SLC24A3: variants seen among roughly 807,000 people sequenced by gnomAD.
SLC24A3 encodes sodium/potassium/calcium exchanger 3.
SLC24A3 carries 28 observed loss-of-function variants against 75.8 expected under a neutral mutation model. That is an observed-to-expected ratio of 0.37 (90% confidence interval 0.27 to 0.51). SLC24A3 has a LOEUF of 0.51. Ranked by LOEUF, SLC24A3 falls within the 20% of genes least tolerant of loss-of-function variation. SLC24A3 has a pLI of 0.94. For missense variants in SLC24A3, 663 were observed against 847.8 expected (o/e 0.78, Z 2.71); for synonymous variants, 372 against 334.1 (o/e 1.11, Z -1.24).
chr20:19,580,376 T>C (rs2031201853), intron 4 of SLC24A3, among the ~76,000 whole-genome samples: 1 of 152,158 alleles, frequency 6.6e-6, no homozygotes. Context: ...TTTCTTTTCC[T>C]TTTAAACTCA....
At chr20:19,301,790 A>T (rs1483804459) in intron 2 of SLC24A3, among the ~76,000 whole-genome samples, 1 of 152,090 alleles carries the variant, frequency 6.6e-6, no homozygotes, top group African/African-American at 2.4e-5. Context: ...CCAAATGCTT[A>T]TCTCCTCTTC....
chr20:19,449,404 C>T (rs1987443480), intron 2 of SLC24A3, among the ~76,000 whole-genome samples: 1 of 152,224 alleles, frequency 6.6e-6, no homozygotes, highest in Admixed American at 6.5e-5. Flanking sequence ...CACGTGGCGC[C>T]CAAGCTCTGG....
intron 3 of SLC24A3, among the ~76,000 whole-genome samples, chr20:19,554,360 A>C (rs745558991): frequency 1.3e-5 from 2 of 152,096 alleles, no homozygotes; most frequent in South Asian, 2.1e-4. Flanking sequence ...TTTTCATTGC[A>C]TATGTAGCTC....
At chr20:19,548,150 G>A (rs560128784) in intron 3 of SLC24A3, among the ~76,000 whole-genome samples, 8 of 152,300 alleles carry the variant, frequency 5.3e-5, no homozygotes, top group East Asian at 1.9e-4. Context: ...GATGTTCCGC[G>A]CTTCTCGGCT....
At chr20:19,454,161 C>T (rs1465083899) in intron 2 of SLC24A3, among the ~76,000 whole-genome samples, 1 of 152,062 alleles carries the variant, frequency 6.6e-6, no homozygotes, top group African/African-American at 2.4e-5. Context: ...TATTTATGGC[C>T]CATGGTGTGG....
chr20:19,249,057 T>TTGAGGATA (rs2122176746), intron 1 of SLC24A3, among the ~76,000 whole-genome samples: 1 of 151,988 alleles, frequency 6.6e-6, no homozygotes, highest in East Asian at 1.9e-4. Flanking sequence ...ATGATAAGTA[T>TTGAGGATA]TTGAGATAAC....
chr20:19,699,625 A>G (rs1436630214), intron 15 of SLC24A3, among the ~76,000 whole-genome samples: 5 of 152,242 alleles, frequency 3.3e-5, no homozygotes, highest in African/African-American at 7.2e-5. Flanking sequence ...GTACTCACAG[A>G]TTACATTCAT....
intron 2 of SLC24A3, among the ~76,000 whole-genome samples, chr20:19,377,970 A>G (rs528467884): frequency 2.0e-4 from 31 of 152,348 alleles, no homozygotes; most frequent in African/African-American, 7.2e-4. Flanking sequence ...CTTTCATGCC[A>G]CAGTGACAGC....
chr20:19,534,409 T>TTTTTGTTTTGTTTTGTTTTGTTTTG (rs1555798607), intron 3 of SLC24A3, among the ~76,000 whole-genome samples: 3 of 10,764 alleles, frequency 2.8e-4, no homozygotes, highest in Non-Finnish European at 8.7e-4. Flanking sequence ...TGTTGTTGTT[T>TTTTTGTTTTGTTTTGTTTTGTTTTG]TTTTGTTTTG....
intron 6 of SLC24A3, among the ~76,000 whole-genome samples, chr20:19,633,221 G>A (rs1174834439): frequency 6.6e-6 from 1 of 152,224 alleles, no homozygotes; most frequent in East Asian, 1.9e-4. Flanking sequence ...AAAGCTAGAA[G>A]TTCAAGCTCA....
At chr20:19,653,973 A>G in intron 6 of SLC24A3, 89 bp from the exon 7 acceptor site, 2 of 1,101,752 alleles carry the variant, frequency 1.8e-6, no homozygotes, top group Admixed American at 3.7e-5. Context: ...CAGGAGGCCT[A>G]GACAGGAAGC....
At chr20:19,397,278 A>T (rs2122397842) in intron 2 of SLC24A3, among the ~76,000 whole-genome samples, 1 of 152,196 alleles carries the variant, frequency 6.6e-6, no homozygotes, top group East Asian at 1.9e-4. Flanking sequence ...CACAATCCAT[A>T]TTTTTTCTCC....
intron 2 of SLC24A3, among the ~76,000 whole-genome samples, chr20:19,397,096 A>G (rs977030787): frequency 8.5e-5 from 13 of 152,242 alleles, no homozygotes; most frequent in Non-Finnish European, 1.6e-4. Flanking sequence ...GTGTTTGTAT[A>G]TGCGTTTGCA....
chr20:19,264,158 C>CA (rs11477124), intron 1 of SLC24A3: 1,830 of 105,780 alleles, frequency 0.017, 14 homozygotes, highest in African/African-American at 0.026. Flanking sequence ...AAGACCCTGT[C>CA]AAAAAAAAAA....
chr20:19,297,724 T>C (rs1984094529), intron 2 of SLC24A3, among the ~76,000 whole-genome samples: 1 of 152,252 alleles, frequency 6.6e-6, no homozygotes, highest in African/African-American at 2.4e-5. Flanking sequence ...AAATGCCTTG[T>C]AGATTTTAGT....
At chr20:19,484,282 C>G (rs6035354) in intron 2 of SLC24A3, among the ~76,000 whole-genome samples, 1 of 152,032 alleles carries the variant, frequency 6.6e-6, no homozygotes, top group South Asian at 2.1e-4. Flanking sequence ...ACCTTATACA[C>G]GTAGCCTAAA....
chr20:19,416,004 C>T (rs1051905543), intron 2 of SLC24A3, among the ~76,000 whole-genome samples: 3 of 152,184 alleles, frequency 2.0e-5, no homozygotes, highest in African/African-American at 7.2e-5. Flanking sequence ...ATCTCTCCTG[C>T]TTATTAGCTC....
intron 6 of SLC24A3, among the ~76,000 whole-genome samples, chr20:19,628,676 C>T (rs1211923851): frequency 6.6e-6 from 1 of 152,060 alleles, no homozygotes; most frequent in Non-Finnish European, 1.5e-5. Flanking sequence ...CCACTGAGAA[C>T]CAAGGCAACA....
chr20:19,456,794 C>T (rs754792137), intron 2 of SLC24A3, among the ~76,000 whole-genome samples: 7 of 152,190 alleles, frequency 4.6e-5, no homozygotes, highest in Non-Finnish European at 1.0e-4. Flanking sequence ...TGGTGACTTC[C>T]TGCCTTGGGA....
Sources: gnomAD v4.1 joint callset for allele counts (sites outside exome capture counted in the v4.1 genomes callset) on GRCh38, gnomAD v4.1.1 for gene constraint, MANE v1.5 for transcripts, NCBI Gene and HGNC (gene_info 2026-07-23, HGNC 2026-07-21) for gene names.